The following NCF2 variants were observed in gnomAD, a reference collection of about 807,000 sequenced individuals.
NCF2 encodes neutrophil cytosol factor 2.
In NCF2, 45 loss-of-function variants were observed where a neutral mutation model predicts 70.9. The observed-to-expected ratio is 0.63, with a 90% CI of 0.50 to 0.81. The LOEUF (loss-of-function observed/expected upper bound fraction) is 0.81. Ranked by LOEUF, NCF2 falls within the 40% of genes least tolerant of loss-of-function variation. The probability of loss-of-function intolerance (pLI) is 0.00; values close to 1 mark genes in which losing one functional copy is unlikely to be tolerated. For synonymous variants in NCF2, 203 were observed against 233.6 expected (o/e 0.87, Z 1.19); for missense variants, 522 against 631.6 (o/e 0.83, Z 1.86).
chr1:183,594,478 A>T (rs1318458361), upstream of NCF2, among the ~76,000 whole-genome samples: 1 of 152,194 alleles, frequency 6.6e-6, no homozygotes, highest in Non-Finnish European at 1.5e-5. Context: ...GTTTGGTTAG[A>T]TAATAAGTTT....
At chr1:183,599,163 A>G in the NCF2 span, among the ~76,000 whole-genome samples, 73,809 of 151,976 alleles carry the variant, frequency 0.49, 18,359 homozygotes, top group African/African-American at 0.58. Context: ...GGGAGGATTT[A>G]CTTGAAGTCA....
chr1:183,580,831 T>C (rs1224353413), intron 2 of NCF2, among the ~76,000 whole-genome samples: 1 of 151,882 alleles, frequency 6.6e-6, no homozygotes, highest in Non-Finnish European at 1.5e-5. Flanking sequence ...ATTTAAAAAT[T>C]AGCCGGGCGT....
At chr1:183,579,892 T>G (rs1181196934) in intron 2 of NCF2, among the ~76,000 whole-genome samples, 18 of 152,196 alleles carry the variant, frequency 1.2e-4, no homozygotes, top group Non-Finnish European at 2.1e-4. Flanking sequence ...TGTTTTATTT[T>G]CTTTAGCTCT....
intron 2 of NCF2, among the ~76,000 whole-genome samples, chr1:183,579,386 G>A (rs1318797816): frequency 1.3e-5 from 2 of 152,038 alleles, no homozygotes; most frequent in South Asian, 2.1e-4. Context: ...GGTGAGAAAC[G>A]GCAAGTTACC....
chr1:183,559,813 T>G (rs759173756), intron 14 of NCF2, among the ~76,000 whole-genome samples: 1 of 152,142 alleles, frequency 6.6e-6, no homozygotes, highest in Non-Finnish European at 1.5e-5. Flanking sequence ...GAGCCGAGAT[T>G]GTGCCACTGC....
In NCF2 at chr1:183,574,615, A is replaced by C. The variant is rs773422870; in HGVS notation, c.373T>G (p.Tyr125Asp). Residue 125 changes from tyrosine to aspartate, a missense_variant, in exon 4 of 15, where the codon TAT (tyrosine) becomes GAT (aspartate). By Grantham distance (160) the Tyr-to-Asp change is radical (BLOSUM62 -3). Coordinates refer to ENST00000367535, the MANE Select transcript of NCF2 (RefSeq NM_000433.4). ...QFKLFACEVL[Y>D]NIAFMYAKKE... ...TTGGCATACATGAAAGCAATGTTATATAACACCTAGAAAAGTACAGACCGC... is the reference window on the plus strand; with the variant it reads ...TTGGCATACATGAAAGCAATGTTATCTAACACCTAGAAAAGTACAGACCGC... The C allele has an allele frequency of 6.2e-7, 1 of 1,614,092 alleles. No homozygotes were observed. Among genetic ancestry groups the C allele is most frequent in the African/African-American group, 1.3e-5 (1 of 74,932 alleles).
At chr1:183,560,027 T>A in intron 14 of NCF2, 69 bp downstream of exon 14, 2 of 1,500,074 alleles carry the variant, frequency 1.3e-6, no homozygotes, top group Non-Finnish European at 9.2e-7. Context: ...GATATTTTCT[T>A]CTCTCTGCCC....
chr1:183,582,587 A>G (rs1238056137), intron 2 of NCF2, among the ~76,000 whole-genome samples: 2 of 152,254 alleles, frequency 1.3e-5, no homozygotes, highest in Admixed American at 1.3e-4. Context: ...ACCCAGGACA[A>G]TGGAATCTCA....
chr1:183,585,162 C>G (rs936684383), intron 2 of NCF2, among the ~76,000 whole-genome samples: 1 of 152,208 alleles, frequency 6.6e-6, no homozygotes, highest in African/African-American at 2.4e-5. Context: ...TTTACAGGCT[C>G]TGTTTCTGAC....
the NCF2 span, among the ~76,000 whole-genome samples, chr1:183,597,470 A>T: frequency 6.6e-6 from 1 of 152,320 alleles, no homozygotes; most frequent in African/African-American, 2.4e-5. Flanking sequence ...GAATTTTTTA[A>T]AAAAATTTAG....
intron 13 of NCF2, 145 bp from the exon 14 acceptor site, chr1:183,560,418 A>G: frequency 3.3e-6 from 3 of 915,594 alleles, no homozygotes; most frequent in Non-Finnish European, 5.2e-6. Context: ...TAGAGCTTAT[A>G]TGCTCTTTAT....
Position 183,581,768 on chromosome 1 carries a change from C to G in NCF2, c.258-4061G>C, listed in dbSNP as rs958675894. 2.0e-5 allele frequency among the ~76,000 whole-genome samples: 3 copies of G among 151,870 alleles called. No homozygotes were observed. In the South Asian group the frequency reaches 6.2e-4, roughly 32 times the overall value. ...ACTGGAAGCTCCGCCTCCCGGTTCA[C>G]GCCATTCTCCTGCCTCAGCCTCCCG... is the stretch of plus-strand genomic sequence containing the variant. On this transcript the variant is annotated intron_variant, in intron 2 of 14. Coordinates refer to ENST00000367535, the MANE Select transcript of NCF2 (RefSeq NM_000433.4).
intron 2 of NCF2, among the ~76,000 whole-genome samples, chr1:183,577,961 C>T (rs1672875959): frequency 6.6e-6 from 1 of 152,216 alleles, no homozygotes; most frequent in Non-Finnish European, 1.5e-5. Flanking sequence ...CAGGGAGTTT[C>T]TTCTCTATTG....
chr1:183,581,468 TAA>T (rs1295838138), intron 2 of NCF2, among the ~76,000 whole-genome samples: 1 of 143,070 alleles, frequency 7.0e-6, no homozygotes, highest in Non-Finnish European at 1.5e-5. Context: ...ACCCCTTCTC[TAA>T]AAAAAAAAAG....
chr1:183,592,054 G>T (rs34990556), upstream of NCF2, among the ~76,000 whole-genome samples: 408 of 152,312 alleles, frequency 2.7e-3, 1 homozygote, highest in Admixed American at 4.5e-3. Flanking sequence ...TAGCCAATTT[G>T]GCTTGCTAAA....
chr1:183,587,994 G>A (rs1673439890), intron 1 of NCF2, among the ~76,000 whole-genome samples: 1 of 152,116 alleles, frequency 6.6e-6, no homozygotes, highest in Non-Finnish European at 1.5e-5. Flanking sequence ...GAAGCTTTGA[G>A]CCAGTAGACA....
At chr1:183,597,778 C>T in the NCF2 span, 46,336 of 152,180 alleles carry the variant, frequency 0.3, 7,456 homozygotes, top group Middle Eastern at 0.38. Flanking sequence ...GTGTCCCTAA[C>T]GACCGTGTCT....
chr1:183,579,283 G>C (rs985986341), intron 2 of NCF2, among the ~76,000 whole-genome samples: 2 of 152,186 alleles, frequency 1.3e-5, no homozygotes, highest in Non-Finnish European at 2.9e-5. Context: ...TATATGCAAA[G>C]AATGTATCAT....
intron 10 of NCF2, 64 bp from the exon 11 acceptor site, chr1:183,564,094 C>G: frequency 1.3e-6 from 2 of 1,492,112 alleles, no homozygotes; most frequent in Admixed American, 3.3e-5. Context: ...TGGCCAGCCC[C>G]TGCCACACAC....
Sources: allele counts gnomAD v4.1 joint callset (sites outside exome capture counted in the v4.1 genomes callset), GRCh38; gene constraint gnomAD v4.1.1; transcripts MANE v1.5; gene names NCBI Gene and HGNC (gene_info 2026-07-23, HGNC 2026-07-21).